Variants in SLC35F1 observed in about 807,000 individuals in gnomAD.
The protein encoded by SLC35F1 is solute carrier family 35 member F1.
A neutral mutation model predicts 48.7 loss-of-function variants in SLC35F1; 14 were observed. That is an observed-to-expected ratio of 0.29 (90% CI 0.19 to 0.45). The LOEUF is 0.45. SLC35F1 is among the 20% of genes least tolerant of loss of function. The pLI is 1.00. For synonymous variants in SLC35F1, 190 were observed against 202.2 expected, an observed-to-expected ratio of 0.94 and a Z score of 0.51; for missense variants, 404 against 500.0, an observed-to-expected ratio of 0.81 and a Z score of 1.83.
chr6:118,156,525 G>A (rs1228243445), intron 2 of SLC35F1, among the ~76,000 whole-genome samples: 2 of 152,072 alleles, frequency 1.3e-5, no homozygotes, highest in Non-Finnish European at 2.9e-5. Flanking sequence ...GGCCTGTTGG[G>A]GGTTGAGGGG....
chr6:118,089,434 TG>T (rs1408593290), intron 1 of SLC35F1, among the ~76,000 whole-genome samples: 1 of 152,234 alleles, frequency 6.6e-6, no homozygotes, highest in Non-Finnish European at 1.5e-5. Flanking sequence ...ATGAGCCTTT[TG>T]CTAAAGGAAT....
At chr6:118,229,403 G>A (rs1264267854) in intron 2 of SLC35F1, among the ~76,000 whole-genome samples, 1 of 152,070 alleles carries the variant, frequency 6.6e-6, no homozygotes, top group African/African-American at 2.4e-5. Context: ...CAACTCCTGG[G>A]GAGCACCATG....
chr6:118,205,802 C>T (rs1381372435), intron 2 of SLC35F1, among the ~76,000 whole-genome samples: 1 of 152,068 alleles, frequency 6.6e-6, no homozygotes, highest in Non-Finnish European at 1.5e-5. Flanking sequence ...ATTATTCAGC[C>T]ACAAAAGAAT....
chr6:118,177,170 A>T (rs1774502637), intron 2 of SLC35F1, among the ~76,000 whole-genome samples: 2 of 152,054 alleles, frequency 1.3e-5, no homozygotes, highest in African/African-American at 4.8e-5. Context: ...ATGCTTTTTA[A>T]AGCTTTCTTG....
chr6:118,233,430 A>T (rs1028687432), intron 2 of SLC35F1, among the ~76,000 whole-genome samples: 1 of 152,236 alleles, frequency 6.6e-6, no homozygotes, highest in Non-Finnish European at 1.5e-5. Flanking sequence ...GCGGTGAAGA[A>T]CTGACCTTGC....
intron 1 of SLC35F1, among the ~76,000 whole-genome samples, chr6:117,988,675 T>A (rs1414741185): frequency 6.6e-6 from 1 of 152,238 alleles, no homozygotes; most frequent in African/African-American, 2.4e-5. Context: ...CTGAGGAATG[T>A]GCCAGCACAA....
intron 1 of SLC35F1, among the ~76,000 whole-genome samples, chr6:118,150,404 T>A (rs935811319): frequency 6.6e-6 from 1 of 152,196 alleles, no homozygotes; most frequent in African/African-American, 2.4e-5. Context: ...TATTTTATAC[T>A]ATATTGGCGC....
At chr6:118,204,237 G>T (rs957944021) in intron 2 of SLC35F1, among the ~76,000 whole-genome samples, 3 of 150,612 alleles carry the variant, frequency 2.0e-5, no homozygotes, top group Non-Finnish European at 4.4e-5. Context: ...AGCCGAGTGG[G>T]ATTGAGGAAC....
At chr6:117,922,834 A>G (rs560659992) in intron 1 of SLC35F1, among the ~76,000 whole-genome samples, 2 of 152,302 alleles carry the variant, frequency 1.3e-5, no homozygotes, top group South Asian at 2.1e-4. Context: ...ATCCCTAAGC[A>G]TCTTCCTGTG....
intron 1 of SLC35F1, among the ~76,000 whole-genome samples, chr6:117,913,113 A>C (rs1775783753): frequency 5.3e-5 from 8 of 152,206 alleles, no homozygotes; most frequent in Admixed American, 5.2e-4. Context: ...TACCACCACC[A>C]GATTTTAGTT....
chr6:118,103,714 A>G (rs2114369454), intron 1 of SLC35F1, among the ~76,000 whole-genome samples: 1 of 152,308 alleles, frequency 6.6e-6, no homozygotes, highest in East Asian at 1.9e-4. Flanking sequence ...TGCAGGAAAG[A>G]GCGGACTTTT....
At chr6:118,241,609 C>G (rs200319772) in intron 3 of SLC35F1, among the ~76,000 whole-genome samples, 113 of 132,940 alleles carry the variant, frequency 8.5e-4, no homozygotes, top group Non-Finnish European at 4.2e-4. Flanking sequence ...GTGTGTGTGT[C>G]TGTGTAGTTC....
At chr6:118,038,215 T>A (rs1198561193) in intron 1 of SLC35F1, among the ~76,000 whole-genome samples, 1 of 152,158 alleles carries the variant, frequency 6.6e-6, no homozygotes, top group Non-Finnish European at 1.5e-5. Context: ...TTAAACCATT[T>A]TAAATAGTTT....
chr6:117,931,596 GT>G (rs1236695084), intron 1 of SLC35F1, among the ~76,000 whole-genome samples: 1 of 152,124 alleles, frequency 6.6e-6, no homozygotes, highest in East Asian at 1.9e-4. Context: ...CACTCACAGG[GT>G]TTTTTTGTTT....
intron 1 of SLC35F1, among the ~76,000 whole-genome samples, chr6:117,965,468 C>T (rs1379753715): frequency 2.0e-5 from 3 of 152,234 alleles, no homozygotes; most frequent in African/African-American, 7.2e-5. Context: ...CAGAAGTTTT[C>T]CTTCTGGCAT....
chr6:117,943,402 C>T (rs1776256726), intron 1 of SLC35F1, among the ~76,000 whole-genome samples: 1 of 152,104 alleles, frequency 6.6e-6, no homozygotes, highest in Non-Finnish European at 1.5e-5. Flanking sequence ...ATCAGATGTG[C>T]TGTTAACATT....
At chr6:117,921,053 GACACACACACACACACACACACAC>G (rs60793418) in intron 1 of SLC35F1, among the ~76,000 whole-genome samples, 1 of 149,392 alleles carries the variant, frequency 6.7e-6, no homozygotes, top group Non-Finnish European at 1.5e-5. Context: ...ATTTCTCTTT[GACACACACACACACACACACACAC>G]ACACACACAC....
chr6:118,006,460 T>A (rs991558688), intron 1 of SLC35F1, among the ~76,000 whole-genome samples: 1 of 151,948 alleles, frequency 6.6e-6, no homozygotes, highest in Non-Finnish European at 1.5e-5. Flanking sequence ...CTACAAAAAA[T>A]TTTTAAAAAT....
intron 1 of SLC35F1, among the ~76,000 whole-genome samples, chr6:117,958,617 A>C (rs1410274895): frequency 6.6e-6 from 1 of 152,242 alleles, no homozygotes; most frequent in Non-Finnish European, 1.5e-5. Context: ...TATTCAGTAA[A>C]GTAACATGCT....
Sources: gnomAD v4.1 joint callset for allele counts (sites outside exome capture counted in the v4.1 genomes callset) on GRCh38, gnomAD v4.1.1 for gene constraint, MANE v1.5 for transcripts, NCBI Gene and HGNC (gene_info 2026-07-23, HGNC 2026-07-21) for gene names.